The following USP7 variants were observed in gnomAD, a reference collection of about 807,000 sequenced individuals.
The protein encoded by USP7 is ubiquitin specific peptidase 7.
USP7 carries 9 observed loss-of-function variants against 162.9 expected under a neutral mutation model. That is an observed-to-expected ratio of 0.06 (90% confidence interval 0.03 to 0.10). The LOEUF (loss-of-function observed/expected upper bound fraction) is 0.10, where lower values mean the gene tolerates loss of function less well. USP7 is among the 10% of genes least tolerant of loss of function. USP7 has a pLI of 1.00. For synonymous variants in USP7, 562 were observed against 475.9 expected, an observed-to-expected ratio of 1.18 and a Z score of -2.35; for missense variants, 715 against 1,373.7, an observed-to-expected ratio of 0.52 and a Z score of 7.58.
intron 1 of USP7, among the ~76,000 whole-genome samples, chr16:8,944,413 G>A (rs933017873): frequency 2.6e-5 from 4 of 152,128 alleles, no homozygotes; most frequent in Non-Finnish European, 5.9e-5. Context: ...CTAAGTAGCA[G>A]CTTCCTCTCT....
At chr16:8,960,970 C>G (rs1263729489) in intron 1 of USP7, among the ~76,000 whole-genome samples, 1 of 152,174 alleles carries the variant, frequency 6.6e-6, no homozygotes, top group East Asian at 1.9e-4. Context: ...GAGGCCCAGT[C>G]AGAAGAAATG....
chr16:8,954,868 G>A (rs1201807485), intron 1 of USP7, among the ~76,000 whole-genome samples: 1 of 152,196 alleles, frequency 6.6e-6, no homozygotes, highest in Non-Finnish European at 1.5e-5. Flanking sequence ...GCTGAGGCGG[G>A]AGAATGGTGT....
intron 3 of USP7, among the ~76,000 whole-genome samples, chr16:8,922,885 G>C (rs1897777547): frequency 6.6e-6 from 1 of 152,154 alleles, no homozygotes; most frequent in Admixed American, 6.6e-5. Context: ...CAATGGAAAG[G>C]ATGTCTGGCT....
At chr16:8,937,925 C>T (rs947285342) in intron 1 of USP7, among the ~76,000 whole-genome samples, 5 of 152,088 alleles carry the variant, frequency 3.3e-5, no homozygotes, top group African/African-American at 9.7e-5. Context: ...ATACTGACCA[C>T]GTGAGAAGGA....
intron 21 of USP7, 81 bp downstream of exon 21, chr16:8,900,449 G>A: frequency 1.9e-6 from 2 of 1,037,756 alleles, no homozygotes; most frequent in Non-Finnish European, 1.4e-6. Flanking sequence ...CGGGATCTAG[G>A]TACAAATGTT....
intron 1 of USP7, among the ~76,000 whole-genome samples, chr16:8,932,353 C>A (rs1456695466): frequency 6.6e-6 from 1 of 152,112 alleles, no homozygotes; most frequent in Non-Finnish European, 1.5e-5. Context: ...ACTGCTTGAG[C>A]CCAGGAGTTT....
chr16:8,926,430 G>T (rs551183184), intron 2 of USP7, among the ~76,000 whole-genome samples: 1 of 152,170 alleles, frequency 6.6e-6, no homozygotes, highest in African/African-American at 2.4e-5. Flanking sequence ...ACTGAGCTGA[G>T]ATCATGGCAT....
intron 1 of USP7, among the ~76,000 whole-genome samples, chr16:8,932,407 T>A (rs1898411392): frequency 2.0e-5 from 3 of 152,126 alleles, no homozygotes; most frequent in Admixed American, 2.0e-4. Flanking sequence ...CTCAATTTAT[T>A]ATTATTTTTA....
intron 1 of USP7, among the ~76,000 whole-genome samples, chr16:8,941,444 C>A (rs1899041536): frequency 6.6e-6 from 1 of 152,148 alleles, no homozygotes; most frequent in Admixed American, 6.5e-5. Context: ...CAGGAAGGAC[C>A]TGAGGGGTAA....
chr16:8,936,776 C>T (rs1898761287), intron 1 of USP7: 1 of 1,310,036 alleles, frequency 7.6e-7, no homozygotes, highest in African/African-American at 1.5e-5. Flanking sequence ...AACATTCAAG[C>T]AACCTCAATT....
At chr16:8,933,817 G>A (rs1466535895) in intron 1 of USP7, among the ~76,000 whole-genome samples, 5 of 150,632 alleles carry the variant, frequency 3.3e-5, no homozygotes, top group African/African-American at 1.2e-4. Flanking sequence ...GTGCAGTGGT[G>A]TGATCTCAGC....
At position 8,924,916 on chromosome 16, in the gene USP7, G is replaced by A. The variant is rs143438346; in HGVS notation, c.185-1503C>T. 3.7e-4 allele frequency among the ~76,000 whole-genome samples: 57 copies of A among 152,324 alleles called. No individual in the cohort carries two copies. In the East Asian group the frequency reaches 9.6e-3, roughly 26 times the overall value. On this transcript the variant is annotated intron_variant, in intron 2 of 30. Transcript: ENST00000344836. ...GGAAGGAAGAGCAGCTGAAAGAGGC[G>A]CATCTTGTCCAAAATAATTATTTAT...
chr16:8,919,188 T>C (rs1435399473), intron 5 of USP7, 49 bp from the exon 6 acceptor site: 1 of 1,583,316 alleles, frequency 6.3e-7, no homozygotes, highest in Non-Finnish European at 8.7e-7. Context: ...ACCCCATTGC[T>C]CCTGCAGTGT....
chr16:8,920,258 T>C, intron 5 of USP7, 101 bp downstream of exon 5: 3 of 1,015,676 alleles, frequency 3.0e-6, no homozygotes, highest in South Asian at 1.5e-5. Context: ...AGAGGAGGCT[T>C]ACTGATTAAA....
At chr16:8,938,666 G>A (rs1055876963) in intron 1 of USP7, among the ~76,000 whole-genome samples, 12 of 150,496 alleles carry the variant, frequency 8.0e-5, no homozygotes, top group African/African-American at 2.5e-4. Context: ...AGCGGAGATC[G>A]CACCACTGCA....
intron 28 of USP7, 44 bp downstream of exon 28, chr16:8,894,987 T>A: frequency 6.2e-7 from 1 of 1,613,796 alleles, no homozygotes; most frequent in Non-Finnish European, 8.5e-7. Flanking sequence ...ACTCAAAGGC[T>A]CCAGGTTTTG....
At chr16:8,896,227 A>G (rs963046506) in intron 26 of USP7, among the ~76,000 whole-genome samples, 7 of 151,078 alleles carry the variant, frequency 4.6e-5, no homozygotes, top group South Asian at 2.1e-4. Flanking sequence ...CCCTTGAAGC[A>G]TAAGATTAAA....
chr16:8,896,697 C>T (rs572210658), intron 26 of USP7, among the ~76,000 whole-genome samples: 2 of 152,272 alleles, frequency 1.3e-5, no homozygotes, highest in African/African-American at 4.8e-5. Flanking sequence ...CTTTTTACTA[C>T]AGCTAATGTT....
rs745320804 is a variant in USP7, at chr16:8,930,154, T to C, written c.184+139A>G. The C allele has an allele frequency of 6.9e-6, 4 of 576,092 alleles. No individual in the cohort carries two copies. In the Admixed American group the frequency reaches 1.4e-4, roughly 21 times the overall value. 35.7% of individuals were successfully genotyped at this position (576,092 alleles called of 1,614,324 possible). Reference sequence around the variant, plus strand: ...TGAAACTCAAAACCCAAACAGGATTTTCCTCAGTTACAGCCTCCTGAAAAC... The same window carrying C: ...TGAAACTCAAAACCCAAACAGGATTCTCCTCAGTTACAGCCTCCTGAAAAC... On this transcript the variant is annotated intron_variant, in intron 2 of 30. Coordinates refer to ENST00000344836, the MANE Select transcript of USP7 (RefSeq NM_003470.3).
Sources: allele counts gnomAD v4.1 joint callset (sites outside exome capture counted in the v4.1 genomes callset), GRCh38; gene constraint gnomAD v4.1.1; transcripts MANE v1.5; gene names NCBI Gene and HGNC (gene_info 2026-07-23, HGNC 2026-07-21).